MYOM1: variants seen among roughly 807,000 people sequenced by gnomAD.
The protein encoded by MYOM1 is myomesin-1.
MYOM1 carries 164 observed loss-of-function variants against 205.3 expected under a neutral mutation model. That is an observed-to-expected ratio of 0.80 (90% CI 0.70 to 0.91). MYOM1 has a LOEUF of 0.91. Ranked by LOEUF, MYOM1 falls within the 40% of genes least tolerant of loss-of-function variation. The pLI is 0.00. For synonymous variants in MYOM1, 772 were observed against 789.4 expected (o/e 0.98, Z 0.37); for missense variants, 2,011 against 2,127.3 (o/e 0.95, Z 1.08).
Position 3,134,697 on chromosome 18 carries a change from G to A in MYOM1, c.2337C>T (p.Gly779=). 1 of 1,613,890 alleles carries A rather than the reference G, an allele frequency of 6.2e-7. No individual in the cohort carries two copies. Among genetic ancestry groups the A allele is most frequent in the Non-Finnish European group, 8.5e-7 (1 of 1,179,842 alleles). Residue 779 remains glycine, a synonymous_variant, in exon 16 of 38, where the codon GGC becomes GGT. Transcript: ENST00000356443. Reference sequence around the variant, plus strand: ...TGTTACAGGGCTCCCACTTGCCAGAGCCAGCAACGCTCGCCTCTATGTAGT... The same window carrying A: ...TGTTACAGGGCTCCCACTTGCCAGAACCAGCAACGCTCGCCTCTATGTAGT... The part of the protein sequence containing the change: ...VGYYIEASVA[G]SGKWEPCNNN...
At chr18:3,089,134 T>C in intron 29 of MYOM1, 40 bp downstream of exon 29, 1 of 1,453,458 alleles carries the variant, frequency 6.9e-7, no homozygotes, top group Non-Finnish European at 9.6e-7. Context: ...TCTATTTTAT[T>C]TCCCTTGAAT....
At chr18:3,188,515 G>C (rs529862633) in intron 4 of MYOM1, among the ~76,000 whole-genome samples, 1 of 151,960 alleles carries the variant, frequency 6.6e-6, no homozygotes, top group East Asian at 1.9e-4. Context: ...TGTAATCCCA[G>C]CTACTTGGGA....
chr18:3,154,692 G>A (rs1464019094), intron 11 of MYOM1, among the ~76,000 whole-genome samples: 1 of 150,132 alleles, frequency 6.7e-6, no homozygotes, highest in East Asian at 2.0e-4. Flanking sequence ...TATATATGTA[G>A]GTACCATTAT....
At chr18:3,164,145 T>C (rs993445453) in intron 10 of MYOM1, 133 bp downstream of exon 10, 65 of 1,001,672 alleles carry the variant, frequency 6.5e-5, no homozygotes, top group Non-Finnish European at 8.7e-5. Flanking sequence ...GCGTGAGACA[T>C]TGCACCCTGC....
intron 5 of MYOM1, among the ~76,000 whole-genome samples, chr18:3,178,013 T>C (rs1308040804): frequency 6.6e-6 from 1 of 152,114 alleles, no homozygotes; most frequent in African/African-American, 2.4e-5. Flanking sequence ...GGTCTGTACG[T>C]GGCGCCTGGA....
At chr18:3,124,358 T>A (rs942874317) in intron 19 of MYOM1, among the ~76,000 whole-genome samples, 2 of 145,846 alleles carry the variant, frequency 1.4e-5, no homozygotes, top group Non-Finnish European at 3.0e-5. Flanking sequence ...TGGAGTGCAG[T>A]GGCGTGCGAT....
At chr18:3,234,676 G>C in the MYOM1 span, among the ~76,000 whole-genome samples, 1,580 of 152,102 alleles carry the variant, frequency 0.01, 10 homozygotes, top group Non-Finnish European at 0.017. Flanking sequence ...CCTTCAGCTT[G>C]CACGGTTGCT....
At chr18:3,187,882 C>T (rs1356701430) in intron 4 of MYOM1, among the ~76,000 whole-genome samples, 2 of 147,404 alleles carry the variant, frequency 1.4e-5, no homozygotes, top group African/African-American at 2.5e-5. Context: ...TTTTTTGGCC[C>T]GGACTGGAGT....
chr18:3,242,791 G>A, the MYOM1 span, among the ~76,000 whole-genome samples: 3 of 152,226 alleles, frequency 2.0e-5, no homozygotes, highest in Admixed American at 1.3e-4. Flanking sequence ...TTACAGGCAT[G>A]AGCCTCTGCG....
At chr18:3,102,432 A>G (rs1452388112) in intron 23 of MYOM1, 42 bp downstream of exon 23, 1 of 1,550,100 alleles carries the variant, frequency 6.5e-7, no homozygotes, top group Admixed American at 1.9e-5. Context: ...ATTCTCCTAC[A>G]GTGAAAAGGA....
Position 3,067,525 on chromosome 18 carries a change from C to G in MYOM1, c.4795G>C (p.Asp1599His). ...ALNLTCNVWG[D>H]PPPEVSWLKN... ...AACCACGACACCTCCGGAGGCGGGTCTCCCCACACGTTGCAAGTGAGATTA... is the reference window on the plus strand; with the variant it reads ...AACCACGACACCTCCGGAGGCGGGTGTCCCCACACGTTGCAAGTGAGATTA... The change falls in exon 38 of 38, where the codon GAC (aspartate) becomes CAC (histidine). Residue 1599 changes from aspartate (D) to histidine (H), a missense_variant. By Grantham distance (81) the Asp-to-His change is moderately conservative. Coordinates refer to ENST00000356443, the MANE Select transcript of MYOM1 (RefSeq NM_003803.4). The G allele has an allele frequency of 6.2e-7, 1 of 1,613,774 alleles. No individual in the cohort carries two copies. The highest frequency in any genetic ancestry group is 8.5e-7 in the Non-Finnish European group (1 of 1,179,844).
At chr18:3,123,825 T>TGA (rs2143850219) in intron 19 of MYOM1, among the ~76,000 whole-genome samples, 1 of 59,556 alleles carries the variant, frequency 1.7e-5, no homozygotes, top group Non-Finnish European at 2.9e-5. Context: ...TTATTTTTAT[T>TGA]TATTTATTTT....
intron 2 of MYOM1, among the ~76,000 whole-genome samples, chr18:3,195,674 T>C (rs1023217984): frequency 2.0e-5 from 3 of 152,232 alleles, no homozygotes; most frequent in African/African-American, 7.2e-5. Context: ...ATGAGCTCAT[T>C]ATTTTTTGAC....
At chr18:3,131,621 G>T in intron 16 of MYOM1, 125 bp from the exon 17 acceptor site, 2 of 895,210 alleles carry the variant, frequency 2.2e-6, no homozygotes, top group African/African-American at 1.7e-5. Context: ...GATTTATTTT[G>T]AACAGAAATG....
At position 3,067,359 on chromosome 18, in the gene MYOM1, G is replaced by T. The variant is rs199531701; in HGVS notation, c.4961C>A (p.Ser1654Ter). The change falls in exon 38 of 38, where the codon TCG (serine) becomes TAG (stop). Residue 1654 changes from serine to a stop codon, truncating the protein, a stop_gained. Coordinates refer to ENST00000356443, the MANE Select transcript of MYOM1 (RefSeq NM_003803.4). LOFTEE classifies it high-confidence loss of function. Reference protein sequence around the residue: ...YGLVVKNKYGSETSDFTVSVF... With the variant: ...YGLVVKNKYG Reference sequence around the variant, plus strand: ...GCTGACGGTGAAGTCGCTGGTCTCCGAGCCATACTTGTTCTTCACAACCAG... The same window carrying T: ...GCTGACGGTGAAGTCGCTGGTCTCCTAGCCATACTTGTTCTTCACAACCAG... 6.2e-7 allele frequency: 1 copy of T among 1,612,622 alleles called. No individual in the cohort carries two copies. Among genetic ancestry groups the T allele is most frequent in the Admixed American group, 1.7e-5 (1 of 60,016 alleles).
intron 25 of MYOM1, among the ~76,000 whole-genome samples, chr18:3,095,567 C>CAAAT (rs1299462131): frequency 1.3e-5 from 2 of 152,164 alleles, no homozygotes; most frequent in Non-Finnish European, 2.9e-5. Context: ...GACTCTGTCT[C>CAAAT]AAATAAATAA....
intron 22 of MYOM1, among the ~76,000 whole-genome samples, chr18:3,102,841 A>T (rs1333858804): frequency 6.6e-6 from 1 of 152,232 alleles, no homozygotes; most frequent in Non-Finnish European, 1.5e-5. Context: ...CACATTTCTT[A>T]GGTAGAGTCA....
intron 21 of MYOM1, among the ~76,000 whole-genome samples, chr18:3,113,603 G>A (rs1048533674): frequency 2.6e-5 from 4 of 152,088 alleles, no homozygotes; most frequent in African/African-American, 9.7e-5. Context: ...ACAGTGTTGG[G>A]ATTACAGGAG....
At chr18:3,240,303 G>A in the MYOM1 span, among the ~76,000 whole-genome samples, 1 of 152,138 alleles carries the variant, frequency 6.6e-6, no homozygotes, top group Admixed American at 6.5e-5. Context: ...GATATGGTTT[G>A]GCTGTGTCCC....
Sources: allele counts gnomAD v4.1 joint callset (sites outside exome capture counted in the v4.1 genomes callset), GRCh38; gene constraint gnomAD v4.1.1; transcripts MANE v1.5; gene names NCBI Gene and HGNC (gene_info 2026-07-23, HGNC 2026-07-21).